Variants in MYO7A observed in about 807,000 individuals in gnomAD.
The protein encoded by MYO7A is myosin VIIA, also known as unconventional myosin-VIIa.
A neutral mutation model predicts 263.8 loss-of-function variants in MYO7A; 210 were observed. That is an observed-to-expected ratio of 0.80 (90% confidence interval 0.71 to 0.89). The LOEUF is 0.89. Among genes scored for constraint, MYO7A ranks in the 40% least tolerant of loss-of-function variants. The pLI is 0.00. For missense variants in MYO7A, 2,820 were observed against 2,968.3 expected, an observed-to-expected ratio of 0.95 and a Z score of 1.16; for synonymous variants, 1,239 against 1,197.3, an observed-to-expected ratio of 1.03 and a Z score of -0.72.
At chr11:77,159,403 GCCC>G in intron 9 of MYO7A, 41 bp from the exon 10 acceptor site, 2 of 711,718 alleles carry the variant, frequency 2.8e-6, no homozygotes, top group South Asian at 1.4e-5. Flanking sequence ...TGCCCCTGTT[GCCC>G]ACCCTCCCTC....
chr11:77,189,505 G>C, intron 28 of MYO7A, 35 bp downstream of exon 28: 16 of 1,612,826 alleles, frequency 9.9e-6, no homozygotes, highest in Non-Finnish European at 1.4e-5. Context: ...AGTGGGAAGG[G>C]GAGCTAGGCC....
intron 46 of MYO7A, 148 bp downstream of exon 46, chr11:77,212,085 C>T (rs1248137977): frequency 1.4e-6 from 1 of 739,250 alleles, no homozygotes; most frequent in Non-Finnish European, 2.4e-6. Context: ...AGCCTTGTCC[C>T]AGCTTAGCGT....
At chr11:77,184,051 C>T (rs1312050856) in intron 26 of MYO7A, among the ~76,000 whole-genome samples, 1 of 152,200 alleles carries the variant, frequency 6.6e-6, no homozygotes, top group Non-Finnish European at 1.5e-5. Flanking sequence ...ACTCACCCTA[C>T]ATCCTCTGGG....
Position 77,204,002 on chromosome 11 carries a change from T to C in MYO7A, c.5327-74T>C, listed in dbSNP as rs1044433201. On this transcript the variant is annotated intron_variant, in intron 38 of 48. Coordinates refer to ENST00000409709, the MANE Select transcript of MYO7A (RefSeq NM_000260.4). ...ACAGCTTCAGGTGATGCAGGCCCTG[T>C]GGGAAGTGGGGCCTCCGGACCCCAG... 1.7e-4 allele frequency: 243 copies of C among 1,460,986 alleles called. 1 individual carries two copies. Among genetic ancestry groups the C allele is most frequent in the Non-Finnish European group, 3.4e-5 (37 of 1,082,420 alleles). The allele number at this position is 1,460,986 out of a possible 1,614,324, so 90.5% of individuals were successfully genotyped here.
chr11:77,204,046 C>A, intron 38 of MYO7A, 30 bp from the exon 39 acceptor site: 1 of 1,572,126 alleles, frequency 6.4e-7, no homozygotes, highest in South Asian at 1.2e-5. Flanking sequence ...TCCCTCTATT[C>A]GGCACAAGCC....
Position 77,211,262 on chromosome 11 carries a change from C to T in MYO7A, c.6162C>T (p.Pro2054=), listed in dbSNP as rs752691169. The change falls in exon 45 of 49, where the codon CCC becomes CCT. Residue 2054 remains proline (P), a synonymous_variant. Coordinates refer to ENST00000409709, the MANE Select transcript of MYO7A (RefSeq NM_000260.4). The stretch of plus-strand genomic sequence containing the variant: ...TCGAGGAGGACAAGTCCTACTTCCC[C>T]AGCATCCCCAAGCTGCTGCGGGAGC... The part of the protein sequence containing the change: ...VKFEEDKSYF[P]SIPKLLRELV... 6.3e-7 allele frequency: 1 copy of T among 1,580,930 alleles called. No homozygotes were observed. Among genetic ancestry groups the T allele is most frequent in the Non-Finnish European group, 8.6e-7 (1 of 1,163,560 alleles).
rs374798067 is a variant in MYO7A, at chr11:77,157,685, A to T, written c.849+293A>T. Among the ~76,000 whole-genome samples the T allele has an allele frequency of 3.9e-4, 60 of 152,340 alleles. No individual in the cohort carries two copies. The East Asian group carries it at 4.4e-3, about 11-fold the overall frequency. ...GGGCTGGGCTGGGGTGGGCCAGGCC[A>T]CATGGACGTAAGTGTGGGCTATGGC... On this transcript the variant is annotated intron_variant, in intron 8 of 48. Transcript: ENST00000409709.
chr11:77,205,672 G>A (rs957809227), intron 40 of MYO7A, 55 bp downstream of exon 40: 28 of 1,602,486 alleles, frequency 1.7e-5, no homozygotes, highest in African/African-American at 8.0e-5. Flanking sequence ...CTGGCCACGC[G>A]GGGCTTGTGG....
intron 36 of MYO7A, 144 bp from the exon 37 acceptor site, chr11:77,202,156 C>A (rs971068034): frequency 4.6e-6 from 5 of 1,076,444 alleles, no homozygotes; most frequent in Non-Finnish European, 6.4e-6. Flanking sequence ...CAAGGAGGAA[C>A]GGGGCTCCCA....
intron 32 of MYO7A, among the ~76,000 whole-genome samples, chr11:77,195,003 A>C (rs1157342296): frequency 1.3e-5 from 2 of 152,108 alleles, no homozygotes; most frequent in Non-Finnish European, 2.9e-5. Context: ...CAGGTAGAGC[A>C]GGGGTATCCA....
At chr11:77,201,864 G>T (rs1957084642) in intron 36 of MYO7A, among the ~76,000 whole-genome samples, 1 of 140,170 alleles carries the variant, frequency 7.1e-6, no homozygotes, top group African/African-American at 2.5e-5. Flanking sequence ...GGGGCCGGGG[G>T]TGGGGATTGG....
chr11:77,162,277 A>G lies in MYO7A; in HGVS notation c.1501A>G (p.Asn501Asp). Residue 501 changes from asparagine to aspartate, a missense_variant, in exon 13 of 49, where the codon AAC (asparagine) becomes GAC (aspartate). Physicochemically the swap from Asn to Asp is conservative, Grantham distance 23 (BLOSUM62 1). Transcript: ENST00000409709. ...CCAGGATGCCCTGGACATGATTGCC[A>G]ACAAGCCCATGAACATCATCTCCCT... ...DNQDALDMIA[N>D]KPMNIISLID... 1.3e-6 allele frequency: 2 copies of G among 1,553,632 alleles called. No individual in the cohort carries two copies.
At chr11:77,149,501 AG>A (rs1300495497) in intron 4 of MYO7A, among the ~76,000 whole-genome samples, 1 of 152,178 alleles carries the variant, frequency 6.6e-6, no homozygotes, top group Non-Finnish European at 1.5e-5. Context: ...AGGACCATGA[AG>A]GGGTGCTAGG....
At chr11:77,207,246 G>T in intron 41 of MYO7A, 43 bp from the exon 42 acceptor site, 1 of 1,457,740 alleles carries the variant, frequency 6.9e-7, no homozygotes, top group Non-Finnish European at 9.5e-7. Flanking sequence ...ACCAGGTCCC[G>T]GGAAAGGCCC....
chr11:77,200,991 GC>G (rs1442438564), intron 35 of MYO7A, among the ~76,000 whole-genome samples: 1 of 152,240 alleles, frequency 6.6e-6, no homozygotes, highest in Non-Finnish European at 1.5e-5. Flanking sequence ...GAGCAGGGAA[GC>G]CCAGAGCCAC....
In MYO7A at chr11:77,148,961, G is replaced by A. The variant is rs7114089; in HGVS notation, c.285+1011G>A. On this transcript the variant is annotated intron_variant, in intron 4 of 48. Transcript: ENST00000409709. ...GGCTGAAGTGTTTGAAGAAAATCTG[G>A]CCTCACAGATGTGTAGTTGGAAAAG... 6.2e-3 allele frequency among the ~76,000 whole-genome samples: 949 copies of A among 152,288 alleles called. 8 individuals are homozygous for A. Among genetic ancestry groups the A allele is most frequent in the African/African-American group, 0.022 (910 of 41,552 alleles).
intron 39 of MYO7A, 45 bp from the exon 40 acceptor site, chr11:77,205,417 C>T (rs1957378746): frequency 6.5e-7 from 1 of 1,539,762 alleles, no homozygotes; most frequent in African/African-American, 1.4e-5. Context: ...TCCTGTGACT[C>T]CCGATGGCAG....
intron 8 of MYO7A, 92 bp from the exon 9 acceptor site, chr11:77,158,185 A>G (rs983781198): frequency 7.1e-7 from 1 of 1,400,836 alleles, no homozygotes; most frequent in Non-Finnish European, 9.4e-7. Context: ...CCTGTCAGGC[A>G]GAAAGGGCCT....
intron 4 of MYO7A, among the ~76,000 whole-genome samples, chr11:77,151,477 C>CT (rs1951957183): frequency 6.6e-6 from 1 of 152,132 alleles, no homozygotes; most frequent in African/African-American, 2.4e-5. Context: ...CCAGAGCCGA[C>CT]AGGCCTGGGC....
Sources: allele counts gnomAD v4.1 joint callset (sites outside exome capture counted in the v4.1 genomes callset), GRCh38; gene constraint gnomAD v4.1.1; transcripts MANE v1.5; gene names NCBI Gene and HGNC (gene_info 2026-07-23, HGNC 2026-07-21).